DOT1L: variants seen among roughly 807,000 people sequenced by gnomAD.
DOT1L encodes the protein histone-lysine N-methyltransferase, H3 lysine-79 specific.
Under a neutral mutation model 153.3 loss-of-function variants are expected in DOT1L, and 33 were observed. That is an observed-to-expected ratio of 0.22 (90% CI 0.16 to 0.29). The LOEUF is 0.29. Among genes scored for constraint, DOT1L ranks in the 10% least tolerant of loss-of-function variants. The probability of loss-of-function intolerance (pLI) is 1.00; values close to 1 mark genes in which losing one functional copy is unlikely to be tolerated. For synonymous variants in DOT1L, 1,135 were observed against 965.1 expected (o/e 1.18, Z -3.26); for missense variants, 1,847 against 2,119.9 (o/e 0.87, Z 2.53).
At position 2,220,321 on chromosome 19, in the gene DOT1L, G is replaced by T. The variant is rs763884345; in HGVS notation, c.2806+99G>T. On this transcript the variant is annotated intron_variant, in intron 23 of 27. Coordinates refer to ENST00000398665, the MANE Select transcript of DOT1L (RefSeq NM_032482.3). This position sits in a 1 kb window ranked among gnomAD's most constrained non-coding sequence, Gnocchi z 4.5. ...CTGGGAGTGGAACAGGGCTTCCTGG[G>T]GTGATCATGGGGGCTGCTGCCCCAA... is the stretch of plus-strand genomic sequence containing the variant. 4.4e-5 allele frequency: 52 copies of T among 1,184,786 alleles called. No individual in the cohort carries two copies. In the East Asian group the frequency reaches 1.3e-3, roughly 30 times the overall value. The allele number at this position is 1,184,786 out of a possible 1,614,324, so 73.4% of individuals were successfully genotyped here.
At chr19:2,170,916 A>G (rs971991765) in intron 1 of DOT1L, among the ~76,000 whole-genome samples, 4 of 152,034 alleles carry the variant, frequency 2.6e-5, no homozygotes, top group Admixed American at 2.6e-4. Context: ...GTCTCCTGGA[A>G]CCTGTCCCCC....
intron 27 of DOT1L, chr19:2,229,027 G>A: frequency 1.0e-6 from 1 of 985,448 alleles, no homozygotes; most frequent in South Asian, 4.7e-5. Context: ...ACGGCTGATG[G>A]CCACACTGCC....
chr19:2,199,117 G>C (rs1393593809), intron 7 of DOT1L, among the ~76,000 whole-genome samples: 1 of 152,248 alleles, frequency 6.6e-6, no homozygotes, highest in Non-Finnish European at 1.5e-5. Flanking sequence ...TGTCTTGATT[G>C]TCCAGATGCT....
Position 2,220,062 on chromosome 19 carries a change from C to T in DOT1L, c.2692-46C>T, listed in dbSNP as rs770843155. The T allele has an allele frequency of 3.9e-6, 6 of 1,538,622 alleles. No individual in the cohort carries two copies. In the African/African-American group the frequency reaches 6.8e-5, roughly 17 times the overall value. ...CTGTTTCCAGCTGGGTTCTGGGTCT[C>T]CTGGGGCACCTGCTGCCCCTGACAC... On this transcript the variant is annotated intron_variant, in intron 22 of 27. Transcript: ENST00000398665. This position sits in a 1 kb window ranked among gnomAD's most constrained non-coding sequence, Gnocchi z 4.5.
At chr19:2,181,924 C>G (rs945601694) in intron 2 of DOT1L, among the ~76,000 whole-genome samples, 1 of 152,182 alleles carries the variant, frequency 6.6e-6, no homozygotes, top group Non-Finnish European at 1.5e-5. Flanking sequence ...GCCGGGCAGT[C>G]TTTTTAAGAA....
chr19:2,194,403 C>T, intron 6 of DOT1L, 112 bp from the exon 7 acceptor site: 6 of 1,158,270 alleles, frequency 5.2e-6, no homozygotes, highest in Non-Finnish European at 7.7e-6. Flanking sequence ...AATCTCCTGA[C>T]CTCATGATCC....
intron 2 of DOT1L, among the ~76,000 whole-genome samples, chr19:2,184,505 C>T (rs1052528385): frequency 3.3e-5 from 5 of 152,010 alleles, no homozygotes; most frequent in African/African-American, 1.2e-4. Context: ...GGAAGCTGCC[C>T]GCTGGACTTA....
Position 2,207,570 on chromosome 19 carries a change from G to A in DOT1L, c.857-4G>A. The A allele has an allele frequency of 6.2e-7, 1 of 1,607,986 alleles. No individual in the cohort carries two copies. The highest frequency in any genetic ancestry group is 8.5e-7 in the Non-Finnish European group (1 of 1,178,898). On this transcript the variant is annotated splice_region_variant and splice_polypyrimidine_tract_variant and intron_variant, in intron 10 of 27. Transcript: ENST00000398665. This position sits in a 1 kb window ranked among gnomAD's most constrained non-coding sequence, Gnocchi z 4.5. Reference sequence around the variant, plus strand: ...GGCCCCGGCCTCACCTGTGGCTCCTGCAGACATCGGCACCATCATGCGCGT... The same window carrying A: ...GGCCCCGGCCTCACCTGTGGCTCCTACAGACATCGGCACCATCATGCGCGT...
chr19:2,201,237 C>T (rs1023121297), intron 8 of DOT1L, among the ~76,000 whole-genome samples: 2 of 150,644 alleles, frequency 1.3e-5, no homozygotes, highest in South Asian at 2.1e-4. Context: ...CTGCATTCCT[C>T]GTCCTCCCCT....
chr19:2,217,703 G>T lies in DOT1L; in HGVS notation c.2545-69G>T. 1.3e-6 allele frequency: 2 copies of T among 1,542,086 alleles called. No homozygotes were observed. Among genetic ancestry groups the T allele is most frequent in the Non-Finnish European group, 1.8e-6 (2 of 1,141,902 alleles). Reference sequence around the variant, plus strand: ...GAGAGCTGTAGCAGGCCCCCGTCCTGTGGCTGTGGTCCCTGTGTCCTGGAG... The same window carrying T: ...GAGAGCTGTAGCAGGCCCCCGTCCTTTGGCTGTGGTCCCTGTGTCCTGGAG... On this transcript the variant is annotated intron_variant, in intron 21 of 27. Transcript: ENST00000398665. The surrounding 1 kb of genome is among the most constrained non-coding windows in gnomAD (Gnocchi z 7.3).
rs2023552863 is a variant in DOT1L at position 2,207,612 on chromosome 19, C to T, written c.895C>T (p.Leu299=). 2 of 1,612,706 alleles carry T rather than the reference C, an allele frequency of 1.2e-6. No homozygotes were observed. Among genetic ancestry groups the T allele is most frequent in the Non-Finnish European group, 1.7e-6 (2 of 1,179,798 alleles). The change falls in exon 11 of 28, where the codon CTG becomes TTG. Residue 299 remains leucine, a synonymous_variant. Transcript: ENST00000398665. This position sits in a 1 kb window ranked among gnomAD's most constrained non-coding sequence, Gnocchi z 4.5. The stretch of plus-strand genomic sequence containing the variant: ...CATGCGCGTGGTGGAGCTCTCGCCC[C>T]TGAAGGGCTCGGTGTCGTGGACGGG... ...TIMRVVELSP[L]KGSVSWTGKP...
intron 3 of DOT1L, among the ~76,000 whole-genome samples, chr19:2,187,903 CA>C (rs1439388172): frequency 7.4e-6 from 1 of 135,658 alleles, no homozygotes; most frequent in Non-Finnish European, 1.5e-5. Flanking sequence ...GCCTGGGTGA[CA>C]GAGCGAGACT....
chr19:2,186,602 C>G (rs2022517532), intron 3 of DOT1L, among the ~76,000 whole-genome samples: 1 of 152,232 alleles, frequency 6.6e-6, no homozygotes, highest in African/African-American at 2.4e-5. Flanking sequence ...CACGCGGCTG[C>G]ACTTTACCTG....
rs369838390 is a variant in DOT1L, at chr19:2,226,864, C to A, written c.4343C>A (p.Ala1448Glu). The A allele has an allele frequency of 1.9e-6, 3 of 1,574,376 alleles. No individual in the cohort carries two copies. Among genetic ancestry groups the A allele is most frequent in the African/African-American group, 2.8e-5 (2 of 71,874 alleles). The change falls in exon 27 of 28, where the codon GCG becomes GAG. Residue 1448 changes from alanine (A) to glutamate (E), a missense_variant. This residue lies in a region of DOT1L where 934 missense variants were observed against 825.3 expected (regional missense o/e 1.13). Transcript: ENST00000398665. ...AGCGGCCCCGGCCTGGCCCCGGCGG[C>A]GTCCTCCGCAGGCGGCGCGGCGTCC... is the stretch of plus-strand genomic sequence containing the variant. The part of the protein sequence containing the change: ...LLSGPGLAPA[A>E]SSAGGAASSA...
intron 3 of DOT1L, among the ~76,000 whole-genome samples, chr19:2,186,348 C>T (rs77669711): frequency 0.023 from 3,523 of 152,062 alleles, 111 homozygotes; most frequent in East Asian, 0.13. Flanking sequence ...CCTGTGGCTG[C>T]GTTAGCAATT....
At position 2,226,476 on chromosome 19, in the gene DOT1L, G is replaced by A. The variant is rs778212913; in HGVS notation, c.3955G>A (p.Gly1319Ser). The change falls in exon 27 of 28, where the codon GGC becomes AGC. Residue 1319 changes from glycine (G) to serine (S), a missense_variant. Around this residue, in one of 8 missense-constraint regions of DOT1L, gnomAD observed 934 missense variants for 825.3 expected, o/e 1.13. Coordinates refer to ENST00000398665, the MANE Select transcript of DOT1L (RefSeq NM_032482.3). ...GTNPANGCTF[G>S]GGLAADLSLH... The stretch of plus-strand genomic sequence containing the variant: ...CAACCCTGCCAACGGCTGCACCTTC[G>A]GCGGGGGCCTGGCCGCGGACCTGAG... The A allele has an allele frequency of 4.4e-6, 7 of 1,601,112 alleles. No individual in the cohort carries two copies. The highest frequency in any genetic ancestry group is 1.6e-4 in the Middle Eastern group (1 of 6,082).
intron 12 of DOT1L, 103 bp downstream of exon 12, chr19:2,209,079 C>T: frequency 1.5e-6 from 2 of 1,350,506 alleles, no homozygotes; most frequent in Non-Finnish European, 2.0e-6. Flanking sequence ...GACTGGAGCA[C>T]AGCCCTGCCG....
chr19:2,186,069 ACC>A, intron 3 of DOT1L, 140 bp downstream of exon 3: 2 of 795,910 alleles, frequency 2.5e-6, no homozygotes, highest in Non-Finnish European at 4.1e-6. Flanking sequence ...GGCCGTGGCC[ACC>A]ATAAAGTTAT....
rs11879054 is a variant in DOT1L, at chr19:2,191,212, C to T, written c.465C>T (p.Asp155=). Residue 155 remains aspartate, a synonymous_variant, in exon 5 of 28, where the codon GAC becomes GAT. Transcript: ENST00000398665. This position sits in a 1 kb window ranked among gnomAD's most constrained non-coding sequence, Gnocchi z 6.8. ...TGATTGATGAGATCAAGATGACCGA[C>T]GACGACCTGTTTGTGGACTTGGGGA... ...AQMIDEIKMT[D]DDLFVDLGSG... is the part of the protein sequence containing the mutation. 7.4e-4 allele frequency: 1,201 copies of T among 1,613,910 alleles called. 9 individuals carry two copies. The African/African-American group carries it at 0.013, about 18-fold the overall frequency.
Sources: gnomAD v4.1 joint callset for allele counts (sites outside exome capture counted in the v4.1 genomes callset) on GRCh38, gnomAD v4.1.1 for gene constraint, gnomAD v4.1.1 regional missense constraint, Gnocchi (gnomAD v3.1) non-coding constraint, MANE v1.5 for transcripts, NCBI Gene and HGNC (gene_info 2026-07-23, HGNC 2026-07-21) for gene names.